SGMS1: variants seen among roughly 807,000 people sequenced by gnomAD.
SGMS1 encodes the protein sphingomyelin synthase 1.
In SGMS1, 13 loss-of-function variants were observed where a neutral mutation model predicts 46.2. The observed-to-expected ratio is 0.28, with a 90% CI of 0.18 to 0.45. The LOEUF (loss-of-function observed/expected upper bound fraction) is 0.45. SGMS1 is among the 20% of genes least tolerant of loss of function. The pLI is 1.00. For synonymous variants in SGMS1, 203 were observed against 187.8 expected (o/e 1.08, Z -0.66); for missense variants, 324 against 519.9 (o/e 0.62, Z 3.66).
At chr10:50,617,173 T>C (rs1388666529) in intron 1 of SGMS1, among the ~76,000 whole-genome samples, 1 of 152,208 alleles carries the variant, frequency 6.6e-6, no homozygotes, top group Non-Finnish European at 1.5e-5. Context: ...TGGAAATGCA[T>C]AGTGGTGACA....
intron 3 of SGMS1, among the ~76,000 whole-genome samples, chr10:50,467,968 G>A (rs1182460367): frequency 6.6e-6 from 1 of 152,124 alleles, no homozygotes; most frequent in South Asian, 2.1e-4. Flanking sequence ...TTGTCCAGGA[G>A]GAATGGACTT....
intron 1 of SGMS1, among the ~76,000 whole-genome samples, chr10:50,604,553 C>T (rs537592735): frequency 1.3e-5 from 2 of 152,180 alleles, no homozygotes; most frequent in African/African-American, 4.8e-5. Flanking sequence ...CCCAGAGACA[C>T]ATTTCTTTGA....
At chr10:50,504,580 A>T (rs1837689050) in intron 3 of SGMS1, among the ~76,000 whole-genome samples, 1 of 152,206 alleles carries the variant, frequency 6.6e-6, no homozygotes, top group South Asian at 2.1e-4. Flanking sequence ...TCCAGGAAGA[A>T]GGATGGGAAG....
At chr10:50,512,720 C>T (rs1837768052) in intron 3 of SGMS1, among the ~76,000 whole-genome samples, 1 of 152,206 alleles carries the variant, frequency 6.6e-6, no homozygotes, top group South Asian at 2.1e-4. Flanking sequence ...TTAGTAAACG[C>T]AAGAACTCCC....
chr10:50,446,751 C>T (rs1837021714), intron 5 of SGMS1, among the ~76,000 whole-genome samples: 1 of 152,156 alleles, frequency 6.6e-6, no homozygotes, highest in African/African-American at 2.4e-5. Flanking sequence ...GGATGGCACA[C>T]CTGACTGAAA....
intron 3 of SGMS1, among the ~76,000 whole-genome samples, chr10:50,495,803 A>G (rs986453227): frequency 1.2e-4 from 18 of 151,936 alleles, no homozygotes; most frequent in Non-Finnish European, 1.5e-5. Flanking sequence ...TAGTATGCAT[A>G]TCATACACAG....
intron 1 of SGMS1, among the ~76,000 whole-genome samples, chr10:50,613,472 TGA>T (rs1399469607): frequency 3.3e-5 from 5 of 152,184 alleles, no homozygotes; most frequent in African/African-American, 4.8e-5. Context: ...CTGTCAACCC[TGA>T]GTTATAAAAT....
intron 7 of SGMS1, among the ~76,000 whole-genome samples, chr10:50,327,615 T>C (rs1847552064): frequency 6.6e-6 from 1 of 152,210 alleles, no homozygotes; most frequent in South Asian, 2.1e-4. Context: ...CTGTCGGACA[T>C]ACAAGTGGAG....
At chr10:50,499,297 T>G (rs909049092) in intron 3 of SGMS1, among the ~76,000 whole-genome samples, 4 of 152,234 alleles carry the variant, frequency 2.6e-5, no homozygotes, top group Non-Finnish European at 4.4e-5. Flanking sequence ...GAATATCCAT[T>G]TCTTAAAGTT....
chr10:50,427,323 C>G (rs535804674), intron 6 of SGMS1, among the ~76,000 whole-genome samples: 10 of 152,274 alleles, frequency 6.6e-5, no homozygotes, highest in Admixed American at 2.0e-4. Context: ...GGCATGAACC[C>G]GGTAGGTGGA....
At chr10:50,341,326 G>C (rs1230304776) in intron 7 of SGMS1, 2 of 455,834 alleles carry the variant, frequency 4.4e-6, no homozygotes, top group African/African-American at 2.0e-5. Context: ...ATACACTGAA[G>C]AGAGGTCACA....
intron 1 of SGMS1, among the ~76,000 whole-genome samples, chr10:50,603,703 C>A (rs1838669278): frequency 6.6e-6 from 1 of 152,158 alleles, no homozygotes; most frequent in Non-Finnish European, 1.5e-5. Flanking sequence ...AATTGAACAG[C>A]CTTAACCTCT....
At chr10:50,554,553 G>A (rs1838174805) in intron 2 of SGMS1, among the ~76,000 whole-genome samples, 1 of 152,170 alleles carries the variant, frequency 6.6e-6, no homozygotes, top group African/African-American at 2.4e-5. Context: ...CGGCCTCTCA[G>A]CCCAAGCCAG....
chr10:50,612,236 A>C (rs2131931398), intron 1 of SGMS1, among the ~76,000 whole-genome samples: 2 of 152,358 alleles, frequency 1.3e-5, no homozygotes, highest in East Asian at 3.9e-4. Context: ...GATTTGTTAT[A>C]ACATCCCGTC....
At chr10:50,485,835 G>A (rs531842751) in intron 3 of SGMS1, among the ~76,000 whole-genome samples, 7 of 152,254 alleles carry the variant, frequency 4.6e-5, no homozygotes, top group Admixed American at 2.0e-4. Flanking sequence ...AGGAGGCAAA[G>A]GTTGCAATGA....
chr10:50,513,592 T>A (rs1246004820), intron 3 of SGMS1, among the ~76,000 whole-genome samples: 1 of 152,072 alleles, frequency 6.6e-6, no homozygotes, highest in African/African-American at 2.4e-5. Context: ...GATGTTAATA[T>A]CTCCAAGCCC....
At chr10:50,400,275 T>C (rs2133535909) in intron 6 of SGMS1, among the ~76,000 whole-genome samples, 1 of 151,586 alleles carries the variant, frequency 6.6e-6, no homozygotes, top group South Asian at 2.1e-4. Flanking sequence ...TTGAATAAAT[T>C]ACTCACCCAC....
intron 6 of SGMS1, among the ~76,000 whole-genome samples, chr10:50,373,729 A>G (rs1333721329): frequency 6.6e-6 from 1 of 152,186 alleles, no homozygotes; most frequent in Non-Finnish European, 1.5e-5. Flanking sequence ...ACATTGGGAG[A>G]AAAAGATTCT....
At chr10:50,584,843 G>A (rs1001566075) in intron 2 of SGMS1, among the ~76,000 whole-genome samples, 1 of 152,152 alleles carries the variant, frequency 6.6e-6, no homozygotes, top group Admixed American at 6.5e-5. Context: ...CCCACTTCCT[G>A]AAAGACCTCT....
Sources: allele counts gnomAD v4.1 joint callset (sites outside exome capture counted in the v4.1 genomes callset), GRCh38; gene constraint gnomAD v4.1.1; transcripts MANE v1.5; gene names NCBI Gene and HGNC (gene_info 2026-07-23, HGNC 2026-07-21).